LGMN: variants seen among roughly 807,000 people sequenced by gnomAD.
LGMN encodes legumain, also known as asparaginyl endopeptidase.
Under a neutral mutation model 56.8 loss-of-function variants are expected in LGMN, and 36 were observed. The ratio of observed to expected loss-of-function variants is 0.63; its 90% CI spans 0.49 to 0.84. The LOEUF is 0.84. LGMN is among the 40% of genes least tolerant of loss of function. LGMN has a pLI of 0.00. For synonymous variants in LGMN, 199 were observed against 210.1 expected (o/e 0.95, Z 0.46); for missense variants, 446 against 556.1 (o/e 0.80, Z 1.99).
chr14:92,738,569 C>T (rs887846446), intron 1 of LGMN, among the ~76,000 whole-genome samples: 19 of 151,268 alleles, frequency 1.3e-4, no homozygotes, highest in African/African-American at 4.1e-4. Flanking sequence ...TGAGCCACCG[C>T]GCCCAGCCAA....
intron 6 of LGMN, 88 bp from the exon 7 acceptor site, chr14:92,713,973 A>G (rs772729602): frequency 1.1e-5 from 11 of 990,366 alleles, no homozygotes; most frequent in Non-Finnish European, 1.6e-5. Flanking sequence ...GATCCTTCAT[A>G]AACTCTTTTC....
At chr14:92,747,468 C>A (rs1806499601) in intron 1 of LGMN, among the ~76,000 whole-genome samples, 1 of 152,110 alleles carries the variant, frequency 6.6e-6, no homozygotes, top group African/African-American at 2.4e-5. Context: ...CCAGCCTGGG[C>A]GACGGAGCGA....
At chr14:92,719,326 ACCG>A (rs1187451751) in intron 2 of LGMN, among the ~76,000 whole-genome samples, 9 of 80,060 alleles carry the variant, frequency 1.1e-4, no homozygotes, top group African/African-American at 4.4e-4. Flanking sequence ...CGCCGCCGCC[ACCG>A]CCACCGCCAT....
chr14:92,732,534 C>T (rs1891102617), intron 2 of LGMN, 115 bp downstream of exon 2: 2 of 1,170,642 alleles, frequency 1.7e-6, no homozygotes, highest in Admixed American at 2.1e-5. Context: ...TTACAGCCAG[C>T]CTAACAGGTC....
chr14:92,719,424 C>T (rs1476326021), intron 2 of LGMN, among the ~76,000 whole-genome samples: 1 of 151,770 alleles, frequency 6.6e-6, no homozygotes, highest in Non-Finnish European at 1.5e-5. Flanking sequence ...CCACCACTGC[C>T]ACCACATATA....
At chr14:92,745,872 A>G (rs546152318) in intron 1 of LGMN, among the ~76,000 whole-genome samples, 9 of 151,822 alleles carry the variant, frequency 5.9e-5, no homozygotes, top group African/African-American at 2.2e-4. Context: ...GCCAGGCTGG[A>G]GTGCAGTGGC....
chr14:92,717,365 G>C lies in LGMN; in HGVS notation c.318+15C>G, dbSNP rs373388058. The stretch of plus-strand genomic sequence containing the variant: ...AAAACTAAACCAGCTGGCTCCAACC[G>C]TAGAAGCCACTCACCTCTCCAGTGT... On this transcript the variant is annotated intron_variant, in intron 4 of 13. Coordinates refer to ENST00000334869, the MANE Select transcript of LGMN (RefSeq NM_005606.7). 3.9e-6 allele frequency: 6 copies of C among 1,521,418 alleles called. No individual in the cohort carries two copies. The South Asian group carries it at 7.3e-5, about 19-fold the overall frequency. The allele number at this position is 1,521,418 out of a possible 1,614,324, so 94.2% of individuals were successfully genotyped here. A position where few individuals can be genotyped will look rare whatever the true frequency, so the allele number is the denominator to read the frequency against.
At chr14:92,722,562 C>T (rs138218152) in intron 2 of LGMN, among the ~76,000 whole-genome samples, 4,024 of 151,846 alleles carry the variant, frequency 0.027, 67 homozygotes, top group Non-Finnish European at 0.041. Context: ...CCAGCCTGGG[C>T]GACAGAGCAA....
At chr14:92,730,040 A>G (rs1890967676) in intron 2 of LGMN, among the ~76,000 whole-genome samples, 1 of 152,276 alleles carries the variant, frequency 6.6e-6, no homozygotes, top group Non-Finnish European at 1.5e-5. Context: ...TCTACTCAAT[A>G]ATGTTTAATA....
chr14:92,709,862 G>A lies in LGMN; in HGVS notation c.830C>T (p.Thr277Ile). Residue 277 changes from threonine (T) to isoleucine (I), a missense_variant, in exon 11 of 14, where the codon ACC becomes ATC. By Grantham distance (89) the Thr-to-Ile change is moderately conservative. Transcript: ENST00000334869. The stretch of plus-strand genomic sequence containing the variant: ...ACCCTGAAACTGCATCACTTTCATG[G>A]TGGAGATTGTCTGGGGAGACAGACA... ...VMQYGNKTIS[T>I]MKVMQFQGMK... is the part of the protein sequence containing the mutation. 1.2e-6 allele frequency: 2 copies of A among 1,604,488 alleles called. No homozygotes were observed. Among genetic ancestry groups the A allele is most frequent in the East Asian group, 2.2e-5 (1 of 44,718 alleles).
At chr14:92,706,304 T>C in intron 12 of LGMN, 179 bp downstream of exon 12, 1 of 477,230 alleles carries the variant, frequency 2.1e-6, no homozygotes, top group Non-Finnish European at 3.6e-6. Context: ...AAGAAGAGTG[T>C]TCTGGGGCCA....
chr14:92,746,802 C>A (rs1043485724), intron 1 of LGMN, among the ~76,000 whole-genome samples: 1 of 151,824 alleles, frequency 6.6e-6, no homozygotes, highest in African/African-American at 2.4e-5. Flanking sequence ...TTTGGGAGGC[C>A]GAGGGGGGTG....
chr14:92,716,080 C>G, intron 5 of LGMN, 56 bp downstream of exon 5: 1 of 1,180,604 alleles, frequency 8.5e-7, no homozygotes, highest in Non-Finnish European at 1.2e-6. Context: ...TTTCAATTCT[C>G]TATACGGGGG....
chr14:92,741,181 TGTCAAGAAAAGAAAAAAAAAAA>T (rs1891537240), intron 1 of LGMN: 1 of 147,608 alleles, frequency 6.8e-6, no homozygotes, highest in Admixed American at 6.8e-5. Flanking sequence ...AGTAAGACCC[TGTCAAGAAAAGAAAAAAAAAAA>T]AAAGACTTCA....
At chr14:92,710,777 G>A (rs1889722932) in intron 10 of LGMN, among the ~76,000 whole-genome samples, 1 of 152,178 alleles carries the variant, frequency 6.6e-6, no homozygotes, top group Non-Finnish European at 1.5e-5. Flanking sequence ...CACTGACCCT[G>A]CCTTCTCCGT....
chr14:92,743,631 T>C (rs180799207), intron 1 of LGMN, among the ~76,000 whole-genome samples: 88 of 150,546 alleles, frequency 5.8e-4, no homozygotes, highest in African/African-American at 2.1e-3. Flanking sequence ...CGAAACCCCA[T>C]CTCTACTAAA....
intron 1 of LGMN, among the ~76,000 whole-genome samples, chr14:92,734,065 G>T (rs1891185546): frequency 6.6e-6 from 1 of 152,154 alleles, no homozygotes; most frequent in Non-Finnish European, 1.5e-5. Flanking sequence ...AAGTTTATAA[G>T]GTGAACTATC....
intron 11 of LGMN, among the ~76,000 whole-genome samples, chr14:92,707,196 G>A (rs887049871): frequency 3.3e-5 from 5 of 151,672 alleles, no homozygotes; most frequent in Admixed American, 6.6e-5. Flanking sequence ...GTTCCAGACC[G>A]GCCTGGGCAA....
At chr14:92,729,127 C>CTTTTTTTTTT (rs55843490) in intron 2 of LGMN, among the ~76,000 whole-genome samples, 211 of 109,904 alleles carry the variant, frequency 1.9e-3, no homozygotes, top group Non-Finnish European at 2.3e-3. Context: ...CTCAGCTTTT[C>CTTTTTTTTTT]TTTTTTTTTT....
Sources: gnomAD v4.1 joint callset for allele counts (sites outside exome capture counted in the v4.1 genomes callset) on GRCh38, gnomAD v4.1.1 for gene constraint, MANE v1.5 for transcripts, NCBI Gene and HGNC (gene_info 2026-07-23, HGNC 2026-07-21) for gene names.